Variants in SLC37A1 observed in about 807,000 individuals in gnomAD.
The protein encoded by SLC37A1 is solute carrier family 37 member 1.
A neutral mutation model predicts 75.3 loss-of-function variants in SLC37A1; 49 were observed. That is an observed-to-expected ratio of 0.65 (90% CI 0.52 to 0.83). The LOEUF is 0.83. Among genes scored for constraint, SLC37A1 ranks in the 40% least tolerant of loss-of-function variants. The probability of loss-of-function intolerance (pLI) is 0.00; values close to 1 mark genes in which losing one functional copy is unlikely to be tolerated. For synonymous variants in SLC37A1, 268 were observed against 292.1 expected, an observed-to-expected ratio of 0.92 and a Z score of 0.84; for missense variants, 566 against 695.0, an observed-to-expected ratio of 0.81 and a Z score of 2.09.
intron 5 of SLC37A1, among the ~76,000 whole-genome samples, chr21:42,537,904 T>G (rs991012179): frequency 1.3e-5 from 2 of 152,180 alleles, no homozygotes; most frequent in Admixed American, 1.3e-4. Flanking sequence ...GCTGTTTTGT[T>G]CGCTATGTCA....
intron 2 of SLC37A1, among the ~76,000 whole-genome samples, chr21:42,523,468 C>T (rs544599238): frequency 2.8e-4 from 43 of 152,324 alleles, no homozygotes; most frequent in African/African-American, 1.0e-3. Flanking sequence ...CACCAGCAGT[C>T]GAAGGCGTGA....
intron 17 of SLC37A1, among the ~76,000 whole-genome samples, chr21:42,570,547 G>A (rs189976753): frequency 2.0e-4 from 30 of 152,306 alleles, no homozygotes; most frequent in East Asian, 5.8e-4. Context: ...TCTGGTTGAC[G>A]TTGTGACTGC....
intron 3 of SLC37A1, 67 bp from the exon 4 acceptor site, chr21:42,534,631 G>C: frequency 6.5e-7 from 1 of 1,550,300 alleles, no homozygotes; most frequent in South Asian, 1.2e-5. Flanking sequence ...GTTCCTCTCT[G>C]TGCCCCATGC....
intron 8 of SLC37A1, 65 bp downstream of exon 8, chr21:42,543,667 GC>G: frequency 1.3e-6 from 2 of 1,501,516 alleles, no homozygotes; most frequent in Middle Eastern, 2.3e-4. Context: ...GCCTGGGTGG[GC>G]CTTGGGGGCG....
chr21:42,519,937 T>G (rs7275184), intron 2 of SLC37A1, among the ~76,000 whole-genome samples: 22,183 of 152,040 alleles, frequency 0.15, 2,368 homozygotes, highest in African/African-American at 0.3. Context: ...CCTCATCTGC[T>G]TCTCTCCCTG....
In SLC37A1 at chr21:42,574,949, G is replaced by T; in HGVS notation, c.1521+34G>T. 1.9e-6 allele frequency: 3 copies of T among 1,612,886 alleles called. No homozygotes were observed. In the South Asian group the frequency reaches 3.3e-5, roughly 18 times the overall value. ...GCCTATTTTTAGTCCAATCCACCTT[G>T]AATGCAGATCTCTGTGGTTGTGTCC... On this transcript the variant is annotated intron_variant, in intron 18 of 19. Transcript: ENST00000352133.
intron 19 of SLC37A1, 96 bp downstream of exon 19, chr21:42,579,896 A>G (rs1363925068): frequency 8.6e-7 from 1 of 1,168,630 alleles, no homozygotes; most frequent in Non-Finnish European, 1.3e-6. Context: ...CCTGAAAGAA[A>G]GAAAACGCGT....
intron 17 of SLC37A1, among the ~76,000 whole-genome samples, chr21:42,569,967 GC>G (rs2056085763): frequency 2.6e-5 from 4 of 152,068 alleles, no homozygotes; most frequent in African/African-American, 9.7e-5. Flanking sequence ...TCCTTGTTCT[GC>G]GTTTCCTTGT....
chr21:42,559,933 C>T (rs899623557), intron 11 of SLC37A1, among the ~76,000 whole-genome samples: 9 of 151,226 alleles, frequency 6.0e-5, no homozygotes, highest in Non-Finnish European at 1.2e-4. Flanking sequence ...GTCTGATTGC[C>T]CGTGTGTGTG....
intron 5 of SLC37A1, 49 bp from the exon 6 acceptor site, chr21:42,539,463 T>C: frequency 6.4e-7 from 1 of 1,569,522 alleles, no homozygotes; most frequent in Non-Finnish European, 8.7e-7. Flanking sequence ...GTTGCTAACA[T>C]TCGGGCGTGT....
At chr21:42,509,389 G>A (rs561162127), upstream of SLC37A1, 15 of 152,284 alleles carry the variant, frequency 9.9e-5, no homozygotes, top group East Asian at 9.6e-4. This position sits in a 1 kb window ranked among gnomAD's most constrained non-coding sequence, Gnocchi z 4.2. Flanking sequence ...CGTTCTTCAC[G>A]ATCAAGGAGG....
intron 17 of SLC37A1, among the ~76,000 whole-genome samples, chr21:42,569,273 T>C (rs1044530057): frequency 1.3e-5 from 2 of 152,168 alleles, no homozygotes; most frequent in Non-Finnish European, 2.9e-5. Flanking sequence ...TGCAGGGAGC[T>C]GATGTTGTTC....
At chr21:42,530,732 A>AT (rs2054947847) in intron 3 of SLC37A1, among the ~76,000 whole-genome samples, 1 of 151,108 alleles carries the variant, frequency 6.6e-6, no homozygotes, top group Non-Finnish European at 1.5e-5. Flanking sequence ...TGAGGCCTGA[A>AT]TCCCCTGCTC....
At chr21:42,507,637 G>GCT (rs2054396237) in intron 2 of SLC37A1, among the ~76,000 whole-genome samples, 1 of 152,202 alleles carries the variant, frequency 6.6e-6, no homozygotes, top group Non-Finnish European at 1.5e-5. Context: ...CAAGAAGCAT[G>GCT]GCACCAGCAC....
upstream of SLC37A1, among the ~76,000 whole-genome samples, chr21:42,510,578 C>T (rs1412952919): frequency 1.3e-5 from 2 of 151,128 alleles, no homozygotes; most frequent in Non-Finnish European, 2.9e-5. Context: ...ATAGAAGTGG[C>T]TGAATGGATA....
At chr21:42,579,073 G>A (rs2056364142) in intron 18 of SLC37A1, among the ~76,000 whole-genome samples, 1 of 152,250 alleles carries the variant, frequency 6.6e-6, no homozygotes, top group Admixed American at 6.5e-5. Flanking sequence ...ATTGGAGGTA[G>A]CACAATCATT....
chr21:42,564,248 G>A (rs2146993910), intron 13 of SLC37A1, among the ~76,000 whole-genome samples: 1 of 112,732 alleles, frequency 8.9e-6, no homozygotes, highest in African/African-American at 3.5e-5. Context: ...AAGCATAGCT[G>A]GGTGTGGTGG....
chr21:42,546,582 C>T (rs1024046153), intron 8 of SLC37A1, among the ~76,000 whole-genome samples: 11 of 152,132 alleles, frequency 7.2e-5, no homozygotes, highest in South Asian at 2.1e-4. Flanking sequence ...TTTAAAGTAG[C>T]GTTCACGTTC....
intron 6 of SLC37A1, 119 bp from the exon 7 acceptor site, chr21:42,542,285 C>A: frequency 3.0e-6 from 2 of 660,766 alleles, no homozygotes; most frequent in Non-Finnish European, 5.2e-6. Context: ...ATTGACAGTC[C>A]ATCTCTGGCT....
Sources: allele counts gnomAD v4.1 joint callset (sites outside exome capture counted in the v4.1 genomes callset), GRCh38; gene constraint gnomAD v4.1.1; non-coding constraint Gnocchi (gnomAD v3.1); transcripts MANE v1.5; gene names NCBI Gene and HGNC (gene_info 2026-07-23, HGNC 2026-07-21).